The following TMBIM1 variants were observed in gnomAD, a reference collection of about 807,000 sequenced individuals.
TMBIM1 encodes the protein transmembrane BAX inhibitor motif containing 1, also known as protein lifeguard 3.
In TMBIM1, 34 loss-of-function variants were observed where a neutral mutation model predicts 45.1. The observed-to-expected ratio is 0.75, with a 90% CI of 0.57 to 1.00. TMBIM1 has a LOEUF of 1.00. Among genes scored for constraint, TMBIM1 ranks in the 50% least tolerant of loss-of-function variants. The pLI, the probability that TMBIM1 is intolerant of heterozygous loss-of-function variation, is 0.00. For synonymous variants in TMBIM1, 157 were observed against 153.5 expected, an observed-to-expected ratio of 1.02 and a Z score of -0.17; for missense variants, 374 against 402.4, an observed-to-expected ratio of 0.93 and a Z score of 0.60.
At chr2:218,281,283 A>AC (rs1350676440) in intron 2 of TMBIM1, among the ~76,000 whole-genome samples, 3 of 151,256 alleles carry the variant, frequency 2.0e-5, no homozygotes, top group African/African-American at 7.3e-5. Context: ...TTACAGGTGC[A>AC]CGCCACCACA....
intron 3 of TMBIM1, 59 bp from the exon 4 acceptor site, chr2:218,279,412 G>T: frequency 6.8e-7 from 1 of 1,471,666 alleles, no homozygotes; most frequent in Non-Finnish European, 9.1e-7. Flanking sequence ...GCCCCAGGAA[G>T]CTGCCAGCCC....
chr2:218,277,172 G>GC lies in TMBIM1; in HGVS notation c.640-74_640-73insG, dbSNP rs764350409. 3.6e-6 allele frequency: 5 copies of GC among 1,374,222 alleles called. No homozygotes were observed. In the East Asian group the frequency reaches 9.2e-5, roughly 25 times the overall value. 85.1% of individuals were successfully genotyped at this position (1,374,222 alleles called of 1,614,324 possible). ...AGCCCAGTCAGACTGGCCCTGCCAG[G>GC]GAGTCCCAGTGCTGCCTCCTAGGGG... On this transcript the variant is annotated intron_variant, in intron 9 of 11. Coordinates refer to ENST00000258412, the MANE Select transcript of TMBIM1 (RefSeq NM_022152.6).
At chr2:218,280,152 G>T in intron 2 of TMBIM1, 26 bp from the exon 3 acceptor site, 1 of 1,550,216 alleles carries the variant, frequency 6.5e-7, no homozygotes, top group Non-Finnish European at 8.9e-7. Context: ...ACTTGACTCA[G>T]CTGGGGACCT....
At chr2:218,290,768 T>C (rs1271374053) in intron 1 of TMBIM1, among the ~76,000 whole-genome samples, 1 of 152,202 alleles carries the variant, frequency 6.6e-6, no homozygotes, top group African/African-American at 2.4e-5. Context: ...TCATTTCTAC[T>C]TCAAAACAAG....
chr2:218,282,236 C>T, intron 1 of TMBIM1, 55 bp from the exon 2 acceptor site: 10 of 1,036,408 alleles, frequency 9.6e-6, no homozygotes, highest in Non-Finnish European at 1.3e-5. Flanking sequence ...GCTCACTCAG[C>T]CTCATGGGCC....
chr2:218,276,030 G>A lies in TMBIM1; in HGVS notation c.785C>T (p.Thr262Ile), dbSNP rs201500641. 7.2e-5 allele frequency: 116 copies of A among 1,612,140 alleles called. 1 individual carries two copies. The South Asian group carries it at 1.0e-3, about 14-fold the overall frequency. ...LYAALGAICF[T>I]LFLAYDTQLV... ...TAGAGTGGGGCTGGGACTTACCAGG[G>A]TGAAACAAATGGCCCCCAGAGCAGC... Residue 262 changes from threonine (T) to isoleucine (I), a missense_variant, in exon 11 of 12, where the codon ACC becomes ATC. Transcript: ENST00000258412.
intron 1 of TMBIM1, chr2:218,290,109 A>G (rs1484805303): frequency 1.3e-5 from 2 of 152,316 alleles, no homozygotes; most frequent in East Asian, 3.9e-4. Flanking sequence ...CTAGCCAGGC[A>G]TTTCCCAGAC....
intron 1 of TMBIM1, among the ~76,000 whole-genome samples, chr2:218,288,673 T>C (rs1045552317): frequency 2.6e-5 from 4 of 152,266 alleles, no homozygotes; most frequent in Admixed American, 2.6e-4. Context: ...ATAATATACA[T>C]AGCCCCAAAT....
chr2:218,280,292 C>A (rs1691758098), intron 2 of TMBIM1, 166 bp from the exon 3 acceptor site: 1 of 590,718 alleles, frequency 1.7e-6, no homozygotes, highest in Admixed American at 2.9e-5. Context: ...CTCAGAGTGA[C>A]CCAGAGCCGG....
chr2:218,286,932 C>G (rs568976379), intron 1 of TMBIM1: 19 of 152,218 alleles, frequency 1.2e-4, no homozygotes, highest in Admixed American at 9.8e-4. Context: ...CCAGATCTGA[C>G]GATTTGTTCC....
In TMBIM1 at chr2:218,278,571, G is replaced by A; in HGVS notation, c.423-6C>T. On this transcript the variant is annotated splice_polypyrimidine_tract_variant and splice_region_variant and intron_variant, in intron 5 of 11. Transcript: ENST00000258412. The stretch of plus-strand genomic sequence containing the variant: ...AGGTGACAACGAAGACAGCACTAGG[G>A]ACAAAGAGATGGGGAAGCAGTTCAG... 2 of 1,614,172 alleles carry A rather than the reference G, an allele frequency of 1.2e-6. No individual in the cohort carries two copies. The highest frequency in any genetic ancestry group is 1.7e-6 in the Non-Finnish European group (2 of 1,180,010).
At chr2:218,276,875 C>G (rs1691269730) in intron 10 of TMBIM1, 129 bp downstream of exon 10, 3 of 726,402 alleles carry the variant, frequency 4.1e-6, no homozygotes, top group Non-Finnish European at 7.2e-6. Flanking sequence ...GGTGCCTTTG[C>G]TAGCCAGTCG....
intron 7 of TMBIM1, 48 bp from the exon 8 acceptor site, chr2:218,277,718 G>C: frequency 6.2e-7 from 1 of 1,612,406 alleles, no homozygotes; most frequent in Non-Finnish European, 8.5e-7. Context: ...AAGGAAGGAA[G>C]GCAGGGTGCT....
Position 218,275,086 on chromosome 2 carries a change from AG to A in TMBIM1, c.*388del, listed in dbSNP as rs1276664692. The A allele has an allele frequency of 6.2e-6, 1 of 160,424 alleles. No homozygotes were observed. The highest frequency in any genetic ancestry group is 1.8e-4 in the East Asian group (1 of 5,622). The allele number at this position is 160,424 out of a possible 1,614,324, so 9.9% of individuals were successfully genotyped here. On this transcript the variant is annotated 3_prime_UTR_variant, in exon 12 of 12. Coordinates refer to ENST00000258412, the MANE Select transcript of TMBIM1 (RefSeq NM_022152.6). ...TACGTAGTCAAGAAGCCTGTGACAG[AG>A]GTGGGAGGGGAACCTCGTGACCTTG... is the stretch of plus-strand genomic sequence containing the variant.
intron 10 of TMBIM1, among the ~76,000 whole-genome samples, chr2:218,276,752 C>A (rs1435382479): frequency 1.3e-5 from 2 of 152,208 alleles, no homozygotes; most frequent in Non-Finnish European, 2.9e-5. Flanking sequence ...GAACCCACCC[C>A]TTCCCCTAGG....
intron 1 of TMBIM1, among the ~76,000 whole-genome samples, chr2:218,288,763 G>C (rs556965237): frequency 6.6e-6 from 1 of 152,290 alleles, no homozygotes; most frequent in South Asian, 2.1e-4. Context: ...TGCTCGAGTA[G>C]GAGAGTAAAG....
At position 218,274,268 on chromosome 2, in the gene TMBIM1, CTA is replaced by C. The variant is rs1326636653; in HGVS notation, c.*1205_*1206del. The C allele has an allele frequency of 6.5e-6, 1 of 154,970 alleles. No homozygotes were observed. Among genetic ancestry groups the C allele is most frequent in the Non-Finnish European group, 1.5e-5 (1 of 68,230 alleles). 9.6% of individuals were successfully genotyped at this position (154,970 alleles called of 1,614,324 possible). On this transcript the variant is annotated 3_prime_UTR_variant, in exon 12 of 12. Coordinates refer to ENST00000258412, the MANE Select transcript of TMBIM1 (RefSeq NM_022152.6). ...TTTGTGTGATATAGTTAGGATTTCT[CTA>C]TTAAGTAATTAATCCTAACTATATC... is the stretch of plus-strand genomic sequence containing the variant.
At chr2:218,278,062 G>T in intron 6 of TMBIM1, 88 bp from the exon 7 acceptor site, 1 of 1,457,120 alleles carries the variant, frequency 6.9e-7, no homozygotes, top group East Asian at 2.3e-5. Flanking sequence ...CTTGGCTCCT[G>T]TGCCTGGAGG....
chr2:218,275,835 TAGC>T (rs763907412), intron 11 of TMBIM1, among the ~76,000 whole-genome samples, 188 bp downstream of exon 11: 3 of 152,208 alleles, frequency 2.0e-5, no homozygotes, highest in Non-Finnish European at 4.4e-5. Context: ...AGTGTTCTAA[TAGC>T]AGGCAGCTTG....
Sources: allele counts gnomAD v4.1 joint callset (sites outside exome capture counted in the v4.1 genomes callset), GRCh38; gene constraint gnomAD v4.1.1; transcripts MANE v1.5; gene names NCBI Gene and HGNC (gene_info 2026-07-23, HGNC 2026-07-21).